Variants in KCNT2 observed in about 807,000 individuals in gnomAD.
The protein encoded by KCNT2 is potassium channel subfamily T member 2.
A neutral mutation model predicts 153.8 loss-of-function variants in KCNT2; 67 were observed. The ratio of observed to expected loss-of-function variants is 0.44; its 90% CI spans 0.36 to 0.53. The LOEUF is 0.53. KCNT2 is among the 20% of genes least tolerant of loss of function. The pLI is 0.00. For missense variants in KCNT2, 975 were observed against 1,354.8 expected, an observed-to-expected ratio of 0.72 and a Z score of 4.40; for synonymous variants, 500 against 458.8, an observed-to-expected ratio of 1.09 and a Z score of -1.15.
intron 20 of KCNT2, among the ~76,000 whole-genome samples, chr1:196,316,740 C>CAA (rs879365959): frequency 4.9e-5 from 7 of 141,582 alleles, no homozygotes; most frequent in African/African-American, 1.5e-4. Flanking sequence ...CTATCACTGA[C>CAA]AAAAAAAAAA....
intron 15 of KCNT2, among the ~76,000 whole-genome samples, chr1:196,341,413 T>TA (rs35024797): frequency 1.3e-5 from 2 of 152,036 alleles, no homozygotes; most frequent in East Asian, 1.9e-4. Context: ...ACCATCATGG[T>TA]AAAAAAATAG....
chr1:196,469,011 C>A lies in KCNT2; in HGVS notation c.442G>T (p.Val148Phe). The A allele has an allele frequency of 1.9e-6, 3 of 1,598,702 alleles. No individual in the cohort carries two copies. Among genetic ancestry groups the A allele is most frequent in the Non-Finnish European group, 2.6e-6 (3 of 1,169,050 alleles). ...GGACTTACTGAGATAATGAAGGGAA[C>A]TGCATTAATTATTTCCAAGATGAAG... Reference protein sequence around the residue: ...IPFILEIINAVPFIISIFWPS... With the variant: ...IPFILEIINAFPFIISIFWPS... Residue 148 changes from valine to phenylalanine, a missense_variant, in exon 6 of 28, where the codon GTT becomes TTT. Coordinates refer to ENST00000294725, the MANE Select transcript of KCNT2 (RefSeq NM_198503.5).
chr1:196,554,490 A>G (rs561207127), intron 1 of KCNT2, among the ~76,000 whole-genome samples: 1 of 150,912 alleles, frequency 6.6e-6, no homozygotes, highest in South Asian at 2.1e-4. Flanking sequence ...CAATAACAAG[A>G]AATAATATTG....
chr1:196,603,897 T>C (rs1665020610), intron 1 of KCNT2, among the ~76,000 whole-genome samples: 1 of 152,258 alleles, frequency 6.6e-6, no homozygotes. Flanking sequence ...CTTGTATAAC[T>C]GGCTGATGAC....
At chr1:196,296,869 G>A (rs1660718332) in intron 22 of KCNT2, among the ~76,000 whole-genome samples, 1 of 151,960 alleles carries the variant, frequency 6.6e-6, no homozygotes, top group African/African-American at 2.4e-5. Flanking sequence ...GTGCCTTGCA[G>A]ACTAGCAAAA....
intron 1 of KCNT2, among the ~76,000 whole-genome samples, chr1:196,531,556 T>C (rs111902479): frequency 9.2e-5 from 14 of 152,212 alleles, no homozygotes; most frequent in African/African-American, 3.4e-4. Context: ...GGTCAAAGCT[T>C]CTCCATATTT....
At chr1:196,275,234 A>G (rs1390898175) in intron 25 of KCNT2, among the ~76,000 whole-genome samples, 1 of 151,782 alleles carries the variant, frequency 6.6e-6, no homozygotes, top group Non-Finnish European at 1.5e-5. Context: ...TGTTGTTCGA[A>G]CCAGGAGTAT....
intron 1 of KCNT2, among the ~76,000 whole-genome samples, chr1:196,596,054 GTGTATATATATATATATATATA>G (rs1325728679): frequency 0.024 from 3,364 of 138,494 alleles, 83 homozygotes; most frequent in Non-Finnish European, 0.027. Flanking sequence ...ATTCCATGAT[GTGTATATATATATATATATATA>G]TATATATATA....
At chr1:196,298,077 C>T (rs1660839684) in intron 22 of KCNT2, among the ~76,000 whole-genome samples, 1 of 152,174 alleles carries the variant, frequency 6.6e-6, no homozygotes, top group Non-Finnish European at 1.5e-5. Flanking sequence ...TATCTCCAAT[C>T]ACTGGTAGAA....
chr1:196,584,299 C>T (rs770937747), intron 1 of KCNT2, among the ~76,000 whole-genome samples: 19 of 151,932 alleles, frequency 1.3e-4, no homozygotes, highest in East Asian at 1.2e-3. Context: ...AAATAACATA[C>T]GCCTCAAATA....
chr1:196,299,660 C>T (rs1400459146), intron 22 of KCNT2, among the ~76,000 whole-genome samples: 2 of 152,038 alleles, frequency 1.3e-5, no homozygotes, highest in African/African-American at 4.8e-5. Context: ...TATAAGAATG[C>T]AGAGTAGTAC....
intron 14 of KCNT2, among the ~76,000 whole-genome samples, chr1:196,348,538 C>G (rs1466954363): frequency 6.6e-6 from 1 of 152,046 alleles, no homozygotes; most frequent in Non-Finnish European, 1.5e-5. Flanking sequence ...ACTATATTGA[C>G]TAGTCATTGA....
chr1:196,385,766 T>TA (rs11455621), intron 13 of KCNT2, among the ~76,000 whole-genome samples: 61,313 of 144,754 alleles, frequency 0.42, 14,619 homozygotes, highest in East Asian at 0.6. Context: ...ATTTCTGCAT[T>TA]AAAAAAATAT....
rs146241288 is a variant in KCNT2, at chr1:196,285,147, G to A, written c.2697+510C>T. 2.5e-3 allele frequency among the ~76,000 whole-genome samples: 380 copies of A among 152,220 alleles called. 3 individuals carry two copies. Among genetic ancestry groups the A allele is most frequent in the Non-Finnish European group, 3.1e-3 (209 of 68,002 alleles). The stretch of plus-strand genomic sequence containing the variant: ...ATGAAAAAGTTAACTTGGCATTCAG[G>A]AACAAACTCAGTGGTTTTAGTTGTT... On this transcript the variant is annotated intron_variant, in intron 23 of 27. Coordinates refer to ENST00000294725, the MANE Select transcript of KCNT2 (RefSeq NM_198503.5).
intron 14 of KCNT2, among the ~76,000 whole-genome samples, chr1:196,357,325 TTTAC>T (rs1484972584): frequency 6.6e-6 from 1 of 151,994 alleles, no homozygotes; most frequent in Non-Finnish European, 1.5e-5. Context: ...ATAATTTCTC[TTTAC>T]TTACTGACTA....
chr1:196,329,950 C>CATATATATATATATATATAT (rs71154737), intron 18 of KCNT2, among the ~76,000 whole-genome samples: 12 of 73,528 alleles, frequency 1.6e-4, no homozygotes, highest in African/African-American at 2.7e-4. Context: ...TTCCTCAAGA[C>CATATATATATATATATATAT]ATATATATAT....
chr1:196,241,147 A>G (rs1292841230), intron 26 of KCNT2, among the ~76,000 whole-genome samples: 2 of 152,162 alleles, frequency 1.3e-5, no homozygotes, highest in Non-Finnish European at 2.9e-5. Context: ...ATGGGAGAAA[A>G]TAAGTAAAAG....
chr1:196,527,513 T>C (rs1308331757), intron 1 of KCNT2, among the ~76,000 whole-genome samples: 1 of 152,152 alleles, frequency 6.6e-6, no homozygotes. Context: ...TCTAACAAAT[T>C]TTTTGAAAAT....
chr1:196,351,623 C>T (rs1282904754), intron 14 of KCNT2, among the ~76,000 whole-genome samples: 1 of 151,962 alleles, frequency 6.6e-6, no homozygotes, highest in Non-Finnish European at 1.5e-5. Flanking sequence ...ATGGGGTTTT[C>T]TAGATATACA....
Sources: gnomAD v4.1 joint callset for allele counts (sites outside exome capture counted in the v4.1 genomes callset) on GRCh38, gnomAD v4.1.1 for gene constraint, MANE v1.5 for transcripts, NCBI Gene and HGNC (gene_info 2026-07-23, HGNC 2026-07-21) for gene names.